The following CTCF variants were observed in gnomAD, a reference collection of about 807,000 sequenced individuals.
CTCF encodes transcriptional repressor CTCF.
In CTCF, 7 loss-of-function variants were observed where a neutral mutation model predicts 72.3. That is an observed-to-expected ratio of 0.10 (90% CI 0.06 to 0.18). The LOEUF (loss-of-function observed/expected upper bound fraction) is 0.18. Ranked by LOEUF, CTCF falls within the 10% of genes least tolerant of loss-of-function variation. CTCF has a pLI of 1.00. For synonymous variants in CTCF, 374 were observed against 315.8 expected, an observed-to-expected ratio of 1.18 and a Z score of -1.95; for missense variants, 516 against 949.1, an observed-to-expected ratio of 0.54 and a Z score of 6.00.
At chr16:67,614,528 C>A (rs1185972919) in intron 4 of CTCF, 1 of 151,988 alleles carries the variant, frequency 6.6e-6, no homozygotes, top group Non-Finnish European at 1.5e-5. Context: ...GAAACCTCAT[C>A]TCCACTAAAA....
At chr16:67,627,901 C>G (rs2052312440) in intron 8 of CTCF, 1 of 136,204 alleles carries the variant, frequency 7.3e-6, no homozygotes, top group Non-Finnish European at 1.5e-5. Context: ...CCAGCCTGGG[C>G]GACAGAGTGA....
At chr16:67,635,007 T>C (rs998733346) in intron 10 of CTCF, among the ~76,000 whole-genome samples, 3 of 150,432 alleles carry the variant, frequency 2.0e-5, no homozygotes, top group African/African-American at 7.4e-5. Context: ...TGGGTAAATT[T>C]TGTTTTTGTT....
intron 2 of CTCF, among the ~76,000 whole-genome samples, chr16:67,577,141 G>A (rs1488647567): frequency 3.3e-5 from 5 of 151,904 alleles, no homozygotes; most frequent in South Asian, 2.1e-4. Context: ...GAAATGGGCC[G>A]GGCGTGGTGG....
At chr16:67,615,441 C>T (rs1567610379) in intron 4 of CTCF, 1 of 152,272 alleles carries the variant, frequency 6.6e-6, no homozygotes, top group Non-Finnish European at 1.5e-5. Flanking sequence ...CGTGGCAAGA[C>T]TCCATCTCTA....
At chr16:67,618,797 A>G (rs1597719381) in intron 5 of CTCF, among the ~76,000 whole-genome samples, 1 of 152,250 alleles carries the variant, frequency 6.6e-6, no homozygotes, top group Non-Finnish European at 1.5e-5. Flanking sequence ...ACAACAAAAA[A>G]TATCTATGAA....
At chr16:67,566,572 T>C (rs1418268827) in intron 1 of CTCF, among the ~76,000 whole-genome samples, 1 of 150,072 alleles carries the variant, frequency 6.7e-6, no homozygotes, top group African/African-American at 2.4e-5. Context: ...TTTGTTGTTC[T>C]TGTGGGGTAT....
At chr16:67,571,480 C>T (rs1247420060) in intron 2 of CTCF, among the ~76,000 whole-genome samples, 1 of 152,146 alleles carries the variant, frequency 6.6e-6, no homozygotes, top group African/African-American at 2.4e-5. Flanking sequence ...CCTGTCTACT[C>T]CTGTAGTCCT....
rs781616750 is a variant in CTCF at position 67,580,772 on chromosome 16, A to ATTT, written c.-10+9529_-10+9531dup. ...GGCACCTGCCCCAACGCCTGGCCAA[A>ATTT]TTTTTTTTTTTTTTTTTTTTTTTAG... On this transcript the variant is annotated intron_variant, in intron 2 of 11. Coordinates refer to ENST00000264010, the MANE Select transcript of CTCF (RefSeq NM_006565.4). Among the ~76,000 whole-genome samples, 245 of 120,152 alleles carry ATTT rather than the reference A, an allele frequency of 2.0e-3. 1 individual carries two copies. The highest frequency in any genetic ancestry group is 3.1e-3 in the Non-Finnish European group (181 of 59,338). 78.8% of individuals were successfully genotyped at this position (120,152 alleles called of 152,430 possible). A position where few individuals can be genotyped will look rare whatever the true frequency, so the allele number is the denominator to read the frequency against.
intron 10 of CTCF, among the ~76,000 whole-genome samples, chr16:67,632,491 C>G (rs376214390): frequency 1.3e-5 from 2 of 152,336 alleles, no homozygotes; most frequent in South Asian, 2.1e-4. Context: ...CTCCATGCCA[C>G]TGTTGGCCAT....
chr16:67,616,724 G>A, intron 4 of CTCF, 21 bp from the exon 5 acceptor site: 1 of 1,613,702 alleles, frequency 6.2e-7, no homozygotes, highest in South Asian at 1.1e-5. Context: ...TGCTCTTCCT[G>A]TTACTCCATC....
rs1337288218 is a variant in CTCF, at chr16:67,628,356, C to T, written c.1519-14C>T. 7 of 1,611,334 alleles carry T rather than the reference C, an allele frequency of 4.3e-6. No individual in the cohort carries two copies. In the Admixed American group the frequency reaches 1.0e-4, roughly 23 times the overall value. On this transcript the variant is annotated splice_polypyrimidine_tract_variant and intron_variant, in intron 8 of 11. Transcript: ENST00000264010. ...TGAGCAGGCTCTGAGGCCTTTCCCC[C>T]TATGCCGTTTCAGGAGAGGCACATG...
Position 67,638,008 on chromosome 16 carries a change from C to T in CTCF, c.*136C>T, listed in dbSNP as rs1567620804. The T allele has an allele frequency of 2.7e-6, 2 of 751,306 alleles. No homozygotes were observed. Among genetic ancestry groups the T allele is most frequent in the African/African-American group, 3.5e-5 (2 of 56,838 alleles). The allele number at this position is 751,306 out of a possible 1,614,324, so 46.5% of individuals were successfully genotyped here. ...CCAAACATACCGAGAACGAAAACTTCAAGGATGATGTTAGAAAAAAATGTG... is the reference window on the plus strand; with the variant it reads ...CCAAACATACCGAGAACGAAAACTTTAAGGATGATGTTAGAAAAAAATGTG... On this transcript the variant is annotated 3_prime_UTR_variant, in exon 12 of 12. Transcript: ENST00000264010.
chr16:67,588,072 G>A (rs2051692515), intron 2 of CTCF, among the ~76,000 whole-genome samples: 1 of 152,012 alleles, frequency 6.6e-6, no homozygotes, highest in Non-Finnish European at 1.5e-5. Flanking sequence ...TGGACAGGCT[G>A]GTCTCGAACT....
chr16:67,585,050 G>A (rs1164315156), intron 2 of CTCF, among the ~76,000 whole-genome samples: 1 of 152,044 alleles, frequency 6.6e-6, no homozygotes, highest in South Asian at 2.1e-4. Context: ...GTTTTGTTTT[G>A]TTTTTTATTT....
chr16:67,631,785 A>G (rs1032760109), intron 10 of CTCF, among the ~76,000 whole-genome samples: 11 of 140,334 alleles, frequency 7.8e-5, no homozygotes, highest in East Asian at 4.8e-4. Context: ...TAAGATGTCA[A>G]TTTGCAGCTG....
intron 2 of CTCF, among the ~76,000 whole-genome samples, chr16:67,586,995 A>G (rs1268802916): frequency 6.6e-6 from 1 of 150,904 alleles, no homozygotes; most frequent in Non-Finnish European, 1.5e-5. Flanking sequence ...AGGTTTTGCC[A>G]TGTTGCTTAG....
chr16:67,626,246 T>A (rs1471081110), intron 7 of CTCF, among the ~76,000 whole-genome samples: 1 of 151,938 alleles, frequency 6.6e-6, no homozygotes, highest in Non-Finnish European at 1.5e-5. Flanking sequence ...GAGACCATCC[T>A]GGCTAACATG....
At position 67,619,131 on chromosome 16, in the gene CTCF, T is replaced by G. The variant is rs754046844; in HGVS notation, c.1087-1566T>G. ...TTATCGACTTATGTGTGTGAAAACTTGGTGTGTAACACTTATGAGTGGGGC... is the reference window on the plus strand; with the variant it reads ...TTATCGACTTATGTGTGTGAAAACTGGGTGTGTAACACTTATGAGTGGGGC... On this transcript the variant is annotated intron_variant, in intron 5 of 11. Transcript: ENST00000264010. Among the ~76,000 whole-genome samples the G allele has an allele frequency of 3.3e-5, 5 of 152,220 alleles. No individual in the cohort carries two copies. The South Asian group carries it at 1.0e-3, about 31-fold the overall frequency.
At chr16:67,586,530 C>A (rs1168122023) in intron 2 of CTCF, among the ~76,000 whole-genome samples, 1 of 146,154 alleles carries the variant, frequency 6.8e-6, no homozygotes, top group Non-Finnish European at 1.5e-5. Context: ...AGTGAGACTC[C>A]GTCTCAAAAA....
Sources: allele counts gnomAD v4.1 joint callset (sites outside exome capture counted in the v4.1 genomes callset), GRCh38; gene constraint gnomAD v4.1.1; transcripts MANE v1.5; gene names NCBI Gene and HGNC (gene_info 2026-07-23, HGNC 2026-07-21).